ANK3: variants seen among roughly 807,000 people sequenced by gnomAD.
The protein encoded by ANK3 is ankyrin-3.
ANK3 carries 57 observed loss-of-function variants against 370.9 expected under a neutral mutation model. The observed-to-expected ratio is 0.15, with a 90% CI of 0.12 to 0.19. The LOEUF (loss-of-function observed/expected upper bound fraction) is 0.19. Ranked by LOEUF, ANK3 falls within the 10% of genes least tolerant of loss-of-function variation. ANK3 has a pLI of 1.00. For missense variants in ANK3, 4,439 were observed against 5,302.1 expected (o/e 0.84, Z 5.06); for synonymous variants, 1,929 against 1,946.3 (o/e 0.99, Z 0.23).
intron 42 of ANK3, chr10:60,050,695 C>T (rs1470430641): frequency 1.3e-5 from 2 of 152,288 alleles, no homozygotes; most frequent in South Asian, 2.1e-4. Context: ...GGGGAGACTA[C>T]AAGAAGCATT....
chr10:60,185,799 T>C (rs2096309225), intron 17 of ANK3, among the ~76,000 whole-genome samples: 1 of 152,166 alleles, frequency 6.6e-6, no homozygotes, highest in Admixed American at 6.5e-5. Flanking sequence ...AAACCTAAAT[T>C]TGATACATAC....
rs1224459342 is a variant in ANK3 at position 60,261,742 on chromosome 10, C to T, written c.798+117G>A. 3.8e-6 allele frequency: 3 copies of T among 784,064 alleles called. No homozygotes were observed. The Admixed American group carries it at 6.4e-5, about 17-fold the overall frequency. 48.6% of individuals were successfully genotyped at this position (784,064 alleles called of 1,614,324 possible). A position where few individuals can be genotyped will look rare whatever the true frequency, so the allele number is the denominator to read the frequency against. ...CACTAGGATGAGTAGAAATCATAGC[C>T]TTCACTGACTGGAAGGACTCTTGGA... On this transcript the variant is annotated intron_variant, in intron 7 of 43. Transcript: ENST00000280772.
intron 9 of ANK3, 113 bp downstream of exon 9, chr10:60,213,299 A>G: frequency 2.9e-6 from 2 of 685,492 alleles, no homozygotes; most frequent in East Asian, 5.5e-5. Flanking sequence ...GGTGAACATA[A>G]CTACTCTGAC....
intron 2 of ANK3, among the ~76,000 whole-genome samples, chr10:60,471,398 A>C (rs1595098707): frequency 6.6e-6 from 1 of 152,160 alleles, no homozygotes; most frequent in Non-Finnish European, 1.5e-5. Flanking sequence ...TCATTTTTCC[A>C]GTTACTGGTA....
intron 23 of ANK3, among the ~76,000 whole-genome samples, chr10:60,156,938 T>C (rs1050964505): frequency 6.6e-6 from 1 of 151,914 alleles, no homozygotes; most frequent in Admixed American, 6.6e-5. Context: ...CCTCACCAAA[T>C]GGACTAAATA....
intron 1 of ANK3, among the ~76,000 whole-genome samples, chr10:60,628,334 GGA>G: frequency 6.6e-6 from 1 of 152,218 alleles, no homozygotes; most frequent in East Asian, 1.9e-4. Context: ...ACAACATCAT[GGA>G]TTAGAATATC....
chr10:60,482,635 T>A (rs2075254453), intron 2 of ANK3, among the ~76,000 whole-genome samples: 1 of 152,064 alleles, frequency 6.6e-6, no homozygotes, highest in East Asian at 1.9e-4. Flanking sequence ...TACAGGTGCA[T>A]GCCACCATGT....
At chr10:60,377,546 C>A (rs2060955649) in intron 1 of ANK3, among the ~76,000 whole-genome samples, 4 of 152,046 alleles carry the variant, frequency 2.6e-5, no homozygotes. Flanking sequence ...CACTTTTTAG[C>A]TAGTTTTACT....
intron 28 of ANK3, among the ~76,000 whole-genome samples, chr10:60,102,895 T>C (rs1187240702): frequency 1.3e-5 from 2 of 152,080 alleles, no homozygotes; most frequent in African/African-American, 4.8e-5. Flanking sequence ...TTGCCACAGA[T>C]GACAGATAAA....
intron 23 of ANK3, 64 bp from the exon 24 acceptor site, chr10:60,139,151 A>C: frequency 1.9e-6 from 3 of 1,577,912 alleles, no homozygotes; most frequent in Non-Finnish European, 2.6e-6. Flanking sequence ...GCTGTGGAGA[A>C]AATCACTCCT....
At chr10:60,524,348 T>A (rs1457025893) in intron 2 of ANK3, among the ~76,000 whole-genome samples, 2 of 152,080 alleles carry the variant, frequency 1.3e-5, no homozygotes, top group Admixed American at 1.3e-4. Context: ...ATTGATACGG[T>A]TTGGCTCTGT....
At chr10:60,731,612 AT>A (rs1179537361) in intron 1 of ANK3, among the ~76,000 whole-genome samples, 2 of 152,190 alleles carry the variant, frequency 1.3e-5, no homozygotes, top group Non-Finnish European at 2.9e-5. Flanking sequence ...GCTTCAGTCA[AT>A]TTTTGTTTCA....
At chr10:60,687,961 GA>G (rs1286542912) in intron 1 of ANK3, among the ~76,000 whole-genome samples, 1 of 152,196 alleles carries the variant, frequency 6.6e-6, no homozygotes, top group Non-Finnish European at 1.5e-5. Context: ...CCCAGTGACA[GA>G]GACACAAACA....
intron 1 of ANK3, among the ~76,000 whole-genome samples, chr10:60,324,656 C>T (rs953262921): frequency 6.6e-6 from 1 of 152,086 alleles, no homozygotes; most frequent in Admixed American, 6.6e-5. Context: ...CGTAAGTCTC[C>T]TAATTTTTTT....
chr10:60,733,427 G>T, exon 1 of ANK3: 1 of 1,015,168 alleles, frequency 9.9e-7, no homozygotes, highest in Non-Finnish European at 1.3e-6. Flanking sequence ...TTCGGCCGCG[G>T]CTCAGGAACA....
chr10:60,434,371 G>A (rs1371634109), intron 2 of ANK3, among the ~76,000 whole-genome samples: 1 of 152,120 alleles, frequency 6.6e-6, no homozygotes, highest in African/African-American at 2.4e-5. Flanking sequence ...TTAGAATATG[G>A]CATTTAAATC....
chr10:60,415,756 A>G (rs993767456), intron 2 of ANK3, among the ~76,000 whole-genome samples: 1 of 152,146 alleles, frequency 6.6e-6, no homozygotes, highest in Non-Finnish European at 1.5e-5. Context: ...CTAATATTTC[A>G]CCCAAGCAGC....
chr10:60,389,539 A>G lies in ANK3; in HGVS notation c.-1T>C, dbSNP rs1216449100. Reference sequence around the variant, plus strand: ...TTAATTGTGAGGCTGCATGAGCCATAATGCATTTAAAAAGATCCTCTCAAG... The same window carrying G: ...TTAATTGTGAGGCTGCATGAGCCATGATGCATTTAAAAAGATCCTCTCAAG... On this transcript the variant is annotated 5_prime_UTR_variant, in exon 1 of 44. Coordinates refer to ENST00000280772, the MANE Select transcript of ANK3 (RefSeq NM_020987.5). The G allele has an allele frequency of 6.2e-7, 1 of 1,613,350 alleles. No individual in the cohort carries two copies. Among genetic ancestry groups the G allele is most frequent in the Admixed American group, 1.7e-5 (1 of 59,876 alleles).
chr10:60,336,094 G>T (rs144194214), intron 1 of ANK3, among the ~76,000 whole-genome samples: 1 of 151,940 alleles, frequency 6.6e-6, no homozygotes, highest in East Asian at 1.9e-4. Context: ...GTTTGGCGGG[G>T]GGGGGAAGCT....
Sources: gnomAD v4.1 joint callset for allele counts (sites outside exome capture counted in the v4.1 genomes callset) on GRCh38, gnomAD v4.1.1 for gene constraint, MANE v1.5 for transcripts, NCBI Gene and HGNC (gene_info 2026-07-23, HGNC 2026-07-21) for gene names.